FAM153A: variants seen among roughly 807,000 people sequenced by gnomAD.
FAM153A encodes the protein protein FAM153A.
Under a neutral mutation model 48.1 loss-of-function variants are expected in FAM153A, and 12 were observed. The observed-to-expected ratio is 0.25, with a 90% CI of 0.16 to 0.40. The LOEUF is 0.40. Among genes scored for constraint, FAM153A ranks in the 10% least tolerant of loss-of-function variants. FAM153A has a pLI of 1.00. For synonymous variants in FAM153A, 36 were observed against 118.2 expected (o/e 0.30, Z 4.51); for missense variants, 111 against 345.8 (o/e 0.32, Z 5.38).
chr5:177,781,439 T>A (rs1360431181), upstream of FAM153A: 1 of 74,170 alleles, frequency 1.3e-5, no homozygotes, highest in African/African-American at 5.0e-5. Flanking sequence ...TTTACAAATG[T>A]CATTACAATA....
intron 4 of FAM153A, among the ~76,000 whole-genome samples, chr5:177,747,074 C>T (rs1435293581): frequency 8.0e-6 from 1 of 124,770 alleles, no homozygotes; most frequent in African/African-American, 3.0e-5. Context: ...GGTCAGCTGA[C>T]CATTGAGACC....
downstream of FAM153A, among the ~76,000 whole-genome samples, chr5:177,709,257 CTTTTTTTTTTTT>C (rs59687881): frequency 1.7e-5 from 2 of 116,380 alleles, no homozygotes; most frequent in Non-Finnish European, 3.5e-5. Context: ...AAAAAGGAAT[CTTTTTTTTTTTT>C]TTTTTTTGTA....
intron 4 of FAM153A, among the ~76,000 whole-genome samples, chr5:177,746,202 GT>G (rs1040285821): frequency 6.6e-6 from 1 of 151,082 alleles, no homozygotes; most frequent in Non-Finnish European, 1.5e-5. Flanking sequence ...TACAGCTGTG[GT>G]GGACGATGAA....
chr5:177,750,174 A>C (rs569389057), intron 2 of FAM153A: 24 of 152,140 alleles, frequency 1.6e-4, no homozygotes, highest in African/African-American at 5.3e-4. Flanking sequence ...CAACTCTATA[A>C]AATTCTGGAA....
chr5:177,752,898 A>T (rs1305738338), intron 1 of FAM153A, among the ~76,000 whole-genome samples: 1 of 139,592 alleles, frequency 7.2e-6, no homozygotes, highest in Non-Finnish European at 1.5e-5. Flanking sequence ...ACTGCATTCT[A>T]GCCTAGGCAA....
At chr5:177,714,216 T>G (rs1203847377) in intron 25 of FAM153A, 1 of 150,756 alleles carries the variant, frequency 6.6e-6, no homozygotes, top group African/African-American at 2.5e-5. Context: ...AAAAGCAATA[T>G]ATTAACAAAT....
chr5:177,726,428 CA>C (rs1762529965), intron 18 of FAM153A, among the ~76,000 whole-genome samples: 1 of 152,006 alleles, frequency 6.6e-6, no homozygotes, highest in African/African-American at 2.4e-5. Context: ...CCCATGAGAA[CA>C]AAACTCTTAG....
chr5:177,739,092 A>T (rs1561918221), intron 10 of FAM153A, 21 bp downstream of exon 12: 1 of 1,612,426 alleles, frequency 6.2e-7, no homozygotes, highest in Non-Finnish European at 8.5e-7. Flanking sequence ...CTTAGCAAAA[A>T]GGTGATCCCA....
the FAM153A span, among the ~76,000 whole-genome samples, chr5:177,694,258 G>C: frequency 2.8e-3 from 418 of 150,266 alleles, 1 homozygote; most frequent in Middle Eastern, 0.01. Flanking sequence ...TGAACCTGGT[G>C]GTGGGTCAAA....
At chr5:177,719,079 G>T (rs1760530183), downstream of FAM153A, among the ~76,000 whole-genome samples, 1 of 150,756 alleles carries the variant, frequency 6.6e-6, no homozygotes, top group South Asian at 2.1e-4. Flanking sequence ...AAATGGGGTT[G>T]TCCCATGTTG....
downstream of FAM153A, among the ~76,000 whole-genome samples, chr5:177,708,840 A>G (rs1460469256): frequency 6.6e-6 from 1 of 151,678 alleles, no homozygotes; most frequent in Non-Finnish European, 1.5e-5. Flanking sequence ...CACGCCTGTA[A>G]TCCCAGCACT....
At chr5:177,737,457 G>C (rs1367494447) in intron 10 of FAM153A, among the ~76,000 whole-genome samples, 1 of 150,928 alleles carries the variant, frequency 6.6e-6, no homozygotes, top group Non-Finnish European at 1.5e-5. Context: ...TGATCCCCTA[G>C]AGGTCATTTC....
the FAM153A span, among the ~76,000 whole-genome samples, chr5:177,695,804 C>A: frequency 2.0e-5 from 3 of 151,590 alleles, no homozygotes; most frequent in South Asian, 4.2e-4. Context: ...CCAGATGGGG[C>A]GGCCGGGCAG....
At chr5:177,734,476 C>A in intron 13 of FAM153A, 72 bp from the exon 16 acceptor site, 3 of 685,084 alleles carry the variant, frequency 4.4e-6, no homozygotes, top group Non-Finnish European at 7.0e-6. Context: ...GACTTTTCTT[C>A]ACTTAGTGAC....
downstream of FAM153A, among the ~76,000 whole-genome samples, chr5:177,709,865 G>A (rs1299861778): frequency 1.6e-5 from 2 of 121,912 alleles, no homozygotes; most frequent in Non-Finnish European, 3.4e-5. Context: ...TTTTCGCCAT[G>A]TTCGGCAGGC....
chr5:177,728,575 G>GT (rs575030080), intron 18 of FAM153A, among the ~76,000 whole-genome samples: 15,915 of 137,872 alleles, frequency 0.12, 1,272 homozygotes, highest in African/African-American at 0.17. Context: ...GTTTGTTTTT[G>GT]TTTTTTTTTT....
In FAM153A at chr5:177,740,533, T is replaced by G. The variant is rs1457065698; in HGVS notation, c.466+244A>C. ...GGCTGAATAAGGGCATGTGGAACAC[T>G]TGTGGCCATCATGTTATTAAACATA... On this transcript the variant is annotated intron_variant, in intron 8 of 20. Transcript: ENST00000614127. Among the ~76,000 whole-genome samples, 2 of 114,232 alleles carry G rather than the reference T, an allele frequency of 1.8e-5. 1 individual carries two copies. Among genetic ancestry groups the G allele is most frequent in the East Asian group, 6.3e-4 (2 of 3,156 alleles). 74.9% of individuals were successfully genotyped at this position (114,232 alleles called of 152,430 possible). A position where few individuals can be genotyped will look rare whatever the true frequency, so the allele number is the denominator to read the frequency against.
upstream of FAM153A, among the ~76,000 whole-genome samples, chr5:177,755,671 G>A (rs1767658415): frequency 6.6e-6 from 1 of 151,602 alleles, no homozygotes; most frequent in Admixed American, 6.6e-5. Context: ...AGAGAGTGGG[G>A]GCCAATATTC....
At chr5:177,746,468 T>C (rs984872282) in intron 4 of FAM153A, among the ~76,000 whole-genome samples, 3 of 150,142 alleles carry the variant, frequency 2.0e-5, no homozygotes, top group Non-Finnish European at 4.4e-5. Context: ...CAGAACATTT[T>C]GTACGAGGTA....
Sources: gnomAD v4.1 joint callset for allele counts (sites outside exome capture counted in the v4.1 genomes callset) on GRCh38, gnomAD v4.1.1 for gene constraint, MANE v1.5 for transcripts, NCBI Gene and HGNC (gene_info 2026-07-23, HGNC 2026-07-21) for gene names.